COP1: variants seen among roughly 807,000 people sequenced by gnomAD.
COP1 encodes the protein E3 ubiquitin-protein ligase COP1.
In COP1, 24 loss-of-function variants were observed where a neutral mutation model predicts 101.3. The ratio of observed to expected loss-of-function variants is 0.24; its 90% CI spans 0.17 to 0.33. The LOEUF (loss-of-function observed/expected upper bound fraction) is 0.33, where lower values mean the gene tolerates loss of function less well. Among genes scored for constraint, COP1 ranks in the 10% least tolerant of loss-of-function variants. The pLI, the probability that COP1 is intolerant of heterozygous loss-of-function variation, is 1.00. For missense variants in COP1, 663 were observed against 906.2 expected (o/e 0.73, Z 3.45); for synonymous variants, 347 against 341.9 (o/e 1.01, Z -0.17).
At chr1:176,001,086 G>GA (rs1358704599) in intron 15 of COP1, among the ~76,000 whole-genome samples, 2 of 151,830 alleles carry the variant, frequency 1.3e-5, no homozygotes, top group Non-Finnish European at 2.9e-5. Flanking sequence ...TTCCAGTTTA[G>GA]AAAAAAGGAA....
At chr1:176,199,081 G>A (rs1449206996) in intron 1 of COP1, among the ~76,000 whole-genome samples, 1 of 152,150 alleles carries the variant, frequency 6.6e-6, no homozygotes, top group African/African-American at 2.4e-5. Flanking sequence ...ACTTTGGGAG[G>A]CCGAGGCGTG....
rs558511485 is a variant in COP1, at chr1:175,973,492, G to A, written c.2133+13451C>T. ...TTTACTGCATGCAGAGCTACAAGTT[G>A]CTAAATGTTACACATTTTAAAGTAT... On this transcript the variant is annotated intron_variant, in intron 18 of 19. Coordinates refer to ENST00000367669, the MANE Select transcript of COP1 (RefSeq NM_022457.7). Among the ~76,000 whole-genome samples, 193 of 152,278 alleles carry A rather than the reference G, an allele frequency of 1.3e-3. 2 individuals carry two copies. The highest frequency in any genetic ancestry group is 4.4e-3 in the African/African-American group (183 of 41,548).
chr1:176,004,021 T>C (rs1662459177), intron 15 of COP1, among the ~76,000 whole-genome samples: 1 of 147,330 alleles, frequency 6.8e-6, no homozygotes. Flanking sequence ...TCCTCTTTTA[T>C]TTCCTTGAGC....
At chr1:176,152,507 G>C (rs778256429) in intron 5 of COP1, among the ~76,000 whole-genome samples, 3 of 151,722 alleles carry the variant, frequency 2.0e-5, no homozygotes, top group Non-Finnish European at 4.4e-5. Context: ...GAGTACAGTA[G>C]CACGATCTCA....
At chr1:176,132,511 G>A (rs963060254) in intron 8 of COP1, among the ~76,000 whole-genome samples, 1 of 149,968 alleles carries the variant, frequency 6.7e-6, no homozygotes, top group Non-Finnish European at 1.5e-5. Flanking sequence ...ATGTATGTGT[G>A]TGTGTATATA....
chr1:175,999,165 T>C (rs555003953), intron 15 of COP1, among the ~76,000 whole-genome samples: 55 of 152,258 alleles, frequency 3.6e-4, no homozygotes, highest in South Asian at 6.2e-4. Context: ...TTATTGACTA[T>C]AGTCACCTCG....
chr1:176,049,496 A>T (rs1404731123), intron 11 of COP1, among the ~76,000 whole-genome samples: 2 of 152,064 alleles, frequency 1.3e-5, no homozygotes, highest in Admixed American at 1.3e-4. Flanking sequence ...TTTTAATAGA[A>T]ATATTAATCA....
At chr1:176,143,970 A>C (rs1404456861) in intron 6 of COP1, among the ~76,000 whole-genome samples, 1 of 152,124 alleles carries the variant, frequency 6.6e-6, no homozygotes, top group Non-Finnish European at 1.5e-5. Context: ...GAGTGATAAA[A>C]AGTACCTACA....
intron 14 of COP1, among the ~76,000 whole-genome samples, chr1:176,033,979 C>T (rs1669064770): frequency 6.6e-6 from 1 of 152,030 alleles, no homozygotes; most frequent in African/African-American, 2.4e-5. Context: ...TTAAGTAACA[C>T]TAAATAATAC....
intron 11 of COP1, among the ~76,000 whole-genome samples, chr1:176,054,158 A>C (rs1673049372): frequency 9.3e-6 from 1 of 107,716 alleles, no homozygotes; most frequent in Non-Finnish European, 1.9e-5. Context: ...TCAGCAAATT[A>C]TTCTTTTTTT....
At chr1:175,951,801 A>G (rs1649954181) in intron 18 of COP1, among the ~76,000 whole-genome samples, 1 of 152,218 alleles carries the variant, frequency 6.6e-6, no homozygotes, top group Non-Finnish European at 1.5e-5. Flanking sequence ...TTAGCATCTC[A>G]GTGACCTATT....
intron 14 of COP1, among the ~76,000 whole-genome samples, chr1:176,041,974 T>C (rs1350881742): frequency 6.6e-6 from 1 of 151,972 alleles, no homozygotes; most frequent in Non-Finnish European, 1.5e-5. Flanking sequence ...TAGCCGGACA[T>C]GGTGGCACGT....
rs571692004 is a variant in COP1, at chr1:176,059,290, ATTATCT to A, written c.1278-12972_1278-12967del. Among the ~76,000 whole-genome samples the A allele has an allele frequency of 6.6e-5, 10 of 152,286 alleles. No homozygotes were observed. In the South Asian group the frequency reaches 2.1e-3, roughly 32 times the overall value. ...TAAGCATTGTGAACCTAAGAAAAAA[ATTATCT>A]TTGTATGGCAATAAAACAAGTGAGT... On this transcript the variant is annotated intron_variant, in intron 11 of 19. Coordinates refer to ENST00000367669, the MANE Select transcript of COP1 (RefSeq NM_022457.7).
chr1:176,024,614 C>T (rs928549194), intron 15 of COP1, among the ~76,000 whole-genome samples: 2 of 152,138 alleles, frequency 1.3e-5, no homozygotes, highest in Non-Finnish European at 2.9e-5. Flanking sequence ...TAACATTGTA[C>T]TTGATCTTCT....
intron 11 of COP1, among the ~76,000 whole-genome samples, chr1:176,078,574 AG>A (rs1350217169): frequency 1.3e-5 from 2 of 151,644 alleles, no homozygotes; most frequent in Non-Finnish European, 2.9e-5. Context: ...TTCATGACAC[AG>A]GCTTTGGCAA....
chr1:176,168,531 AAAGCAAGC>A (rs1558247339), intron 3 of COP1: 1 of 149,898 alleles, frequency 6.7e-6, no homozygotes, highest in Admixed American at 6.6e-5. Context: ...GGAGGGGAAA[AAAGCAAGC>A]AAGCAAGCAG....
chr1:176,064,557 G>A (rs1356040268), intron 11 of COP1, among the ~76,000 whole-genome samples: 4 of 152,188 alleles, frequency 2.6e-5, no homozygotes, highest in South Asian at 4.1e-4. Flanking sequence ...ATCTCAGGGT[G>A]TATTAAAATA....
chr1:176,066,261 C>A (rs941995161), intron 11 of COP1, among the ~76,000 whole-genome samples: 5 of 152,092 alleles, frequency 3.3e-5, no homozygotes. Flanking sequence ...TATGAACCTC[C>A]CTCACCTCTT....
Position 176,028,105 on chromosome 1 carries a change from C to T in COP1, c.1613-417G>A, listed in dbSNP as rs879618032. Among the ~76,000 whole-genome samples, 5 of 152,162 alleles carry T rather than the reference C, an allele frequency of 3.3e-5. No individual in the cohort carries two copies. In the East Asian group the frequency reaches 7.7e-4, roughly 24 times the overall value. On this transcript the variant is annotated intron_variant, in intron 14 of 19. Coordinates refer to ENST00000367669, the MANE Select transcript of COP1 (RefSeq NM_022457.7). Reference sequence around the variant, plus strand: ...ACGAGAACAGTATGGGGGAAACCACCTGCTATGATTCAATTATCTCCACCT... The same window carrying T: ...ACGAGAACAGTATGGGGGAAACCACTTGCTATGATTCAATTATCTCCACCT...
Sources: gnomAD v4.1 joint callset for allele counts (sites outside exome capture counted in the v4.1 genomes callset) on GRCh38, gnomAD v4.1.1 for gene constraint, MANE v1.5 for transcripts, NCBI Gene and HGNC (gene_info 2026-07-23, HGNC 2026-07-21) for gene names.